MOB4: variants seen among roughly 807,000 people sequenced by gnomAD.
MOB4 encodes the protein MOB family member 4, phocein.
In MOB4, 4 loss-of-function variants were observed where a neutral mutation model predicts 32.2. That is an observed-to-expected ratio of 0.12 (90% CI 0.06 to 0.28). MOB4 has a LOEUF of 0.28. Ranked by LOEUF, MOB4 falls within the 10% of genes least tolerant of loss-of-function variation. The pLI is 1.00. For missense variants in MOB4, 158 were observed against 271.2 expected, an observed-to-expected ratio of 0.58 and a Z score of 2.93; for synonymous variants, 88 against 88.1, an observed-to-expected ratio of 1.00 and a Z score of 0.01.
At chr2:197,516,562 C>T (rs2086416273) in intron 1 of MOB4, 2 of 496,878 alleles carry the variant, frequency 4.0e-6, no homozygotes, top group East Asian at 6.6e-5. Flanking sequence ...TAAACACAGC[C>T]TACCTCGACC....
chr2:197,516,452 C>A, intron 1 of MOB4: 1 of 1,183,012 alleles, frequency 8.5e-7, no homozygotes, highest in Non-Finnish European at 1.1e-6. Flanking sequence ...TCTCGCCTTG[C>A]CCCTGAGCCC....
At chr2:197,544,938 A>G (rs1048620042) in intron 5 of MOB4, among the ~76,000 whole-genome samples, 1 of 152,204 alleles carries the variant, frequency 6.6e-6, no homozygotes, top group Non-Finnish European at 1.5e-5. Context: ...GAACCCCTAA[A>G]CATTGATGAT....
At chr2:197,549,226 CA>C (rs995559922) in intron 6 of MOB4, among the ~76,000 whole-genome samples, 49 of 146,722 alleles carry the variant, frequency 3.3e-4, no homozygotes, top group Non-Finnish European at 4.4e-4. Flanking sequence ...GAAACTGTCT[CA>C]AAAAAAAAAG....
intron 5 of MOB4, among the ~76,000 whole-genome samples, chr2:197,543,780 C>G (rs371175973): frequency 9.2e-5 from 14 of 152,180 alleles, no homozygotes; most frequent in African/African-American, 3.4e-4. Flanking sequence ...GCTCTTTTGC[C>G]CAGGCTGGAG....
rs530766219 is a variant in MOB4, at chr2:197,545,495, A to G, written c.355-2841A>G. The stretch of plus-strand genomic sequence containing the variant: ...GCAAAGTGCTGACTGTATGTGTACA[A>G]TGGAATAATATTCAGCCATGAAAAG... On this transcript the variant is annotated intron_variant, in intron 5 of 7. Transcript: ENST00000323303. Among the ~76,000 whole-genome samples, 3 of 152,334 alleles carry G rather than the reference A, an allele frequency of 2.0e-5. No individual in the cohort carries two copies. In the South Asian group the frequency reaches 6.2e-4, roughly 32 times the overall value.
At position 197,535,512 on chromosome 2, in the gene MOB4, G is replaced by A. The variant is rs745617843; in HGVS notation, c.124-18G>A. The A allele has an allele frequency of 1.3e-6, 2 of 1,575,812 alleles. No individual in the cohort carries two copies. The highest frequency in any genetic ancestry group is 2.4e-5 in the South Asian group (2 of 84,768). Reference sequence around the variant, plus strand: ...GGTGATATAATTTAATTAACCATAAGAACTTCTTTGTTTTTAGTATATTCA... The same window carrying A: ...GGTGATATAATTTAATTAACCATAAAAACTTCTTTGTTTTTAGTATATTCA... On this transcript the variant is annotated intron_variant, in intron 2 of 7. Transcript: ENST00000323303.
chr2:197,516,371 G>C, intron 1 of MOB4: 3 of 1,416,572 alleles, frequency 2.1e-6, no homozygotes, highest in Non-Finnish European at 2.8e-6. Flanking sequence ...CGTGAGGGGC[G>C]GGTGGGGTCT....
chr2:197,532,651 A>G (rs1574638179), intron 2 of MOB4, among the ~76,000 whole-genome samples: 1 of 152,078 alleles, frequency 6.6e-6, no homozygotes, highest in African/African-American at 2.4e-5. Context: ...GCGCCACTGC[A>G]CTCTAGCCTG....
chr2:197,529,809 G>A (rs756471713), intron 2 of MOB4, among the ~76,000 whole-genome samples: 75 of 151,288 alleles, frequency 5.0e-4, no homozygotes, highest in Non-Finnish European at 9.4e-4. Context: ...GCACACCACC[G>A]TGCCCAGCTA....
At chr2:197,515,838 G>T, upstream of MOB4, 2 of 533,844 alleles carry the variant, frequency 3.7e-6, no homozygotes, top group Admixed American at 3.7e-5. Flanking sequence ...TCGCAAAGAG[G>T]CTCGTGGCGC....
At chr2:197,524,974 G>A (rs2106109224) in intron 2 of MOB4, among the ~76,000 whole-genome samples, 1 of 152,246 alleles carries the variant, frequency 6.6e-6, no homozygotes, top group South Asian at 2.1e-4. Context: ...TGTTGCCCTG[G>A]CTGATGATAA....
In MOB4 at chr2:197,552,441, A is replaced by G. The variant is rs1273212218; in HGVS notation, c.*1795A>G. 2 of 152,298 alleles carry G rather than the reference A, an allele frequency of 1.3e-5. No homozygotes were observed. Among genetic ancestry groups the G allele is most frequent in the Non-Finnish European group, 2.9e-5 (2 of 68,024 alleles). The allele number at this position is 152,298 out of a possible 1,614,324, so 9.4% of individuals were successfully genotyped here. On this transcript the variant is annotated 3_prime_UTR_variant, in exon 8 of 8. Coordinates refer to ENST00000323303, the MANE Select transcript of MOB4 (RefSeq NM_015387.5). ...TGTTGCTTGACTATTTTCTTAGTGAATATTTATACTAAGGTAGTGACTGAG... is the reference window on the plus strand; with the variant it reads ...TGTTGCTTGACTATTTTCTTAGTGAGTATTTATACTAAGGTAGTGACTGAG...
At position 197,550,845 on chromosome 2, in the gene MOB4, G is replaced by A. The variant is rs1559326976; in HGVS notation, c.*199G>A. ...TATATTCACCAGTGTGGCACTCATG[G>A]TTTTTAAATAAGATTAGTATTATCT... On this transcript the variant is annotated 3_prime_UTR_variant, in exon 8 of 8. Coordinates refer to ENST00000323303, the MANE Select transcript of MOB4 (RefSeq NM_015387.5). The A allele has an allele frequency of 4.6e-6, 2 of 435,460 alleles. No individual in the cohort carries two copies. Among genetic ancestry groups the A allele is most frequent in the South Asian group, 9.3e-5 (1 of 10,702 alleles). The allele number at this position is 435,460 out of a possible 1,614,324, so 27.0% of individuals were successfully genotyped here.
intron 2 of MOB4, chr2:197,533,758 C>T (rs897829691): frequency 9.2e-6 from 4 of 433,092 alleles, no homozygotes; most frequent in African/African-American, 2.1e-5. Flanking sequence ...TATTTGATCC[C>T]TTTCCCTGTC....
intron 2 of MOB4, among the ~76,000 whole-genome samples, chr2:197,529,474 C>T (rs1230344777): frequency 6.6e-6 from 1 of 151,996 alleles, no homozygotes; most frequent in Non-Finnish European, 1.5e-5. Flanking sequence ...GCCTCAGCCT[C>T]CCCAGTAGCT....
Position 197,552,784 on chromosome 2 carries a change from A to T in MOB4, c.*2138A>T, listed in dbSNP as rs2087118643. 1 of 152,432 alleles carries T rather than the reference A, an allele frequency of 6.6e-6. No individual in the cohort carries two copies. Among genetic ancestry groups the T allele is most frequent in the Admixed American group, 6.5e-5 (1 of 15,302 alleles). 9.4% of individuals were successfully genotyped at this position (152,432 alleles called of 1,614,324 possible). A position where few individuals can be genotyped will look rare whatever the true frequency, so the allele number is the denominator to read the frequency against. ...CTTATATATACATAAATACTACTAA[A>T]AAATTAATGAGCCTGGCAAACCATT... On this transcript the variant is annotated 3_prime_UTR_variant, in exon 8 of 8. Coordinates refer to ENST00000323303, the MANE Select transcript of MOB4 (RefSeq NM_015387.5).
At chr2:197,535,651 A>G (rs1183837079) in intron 3 of MOB4, 21 bp downstream of exon 3, 2 of 1,588,802 alleles carry the variant, frequency 1.3e-6, no homozygotes, top group African/African-American at 2.7e-5. Flanking sequence ...ACATCAAAAT[A>G]CTAATAGTAC....
In MOB4 at chr2:197,550,843, T is replaced by C. The variant is rs748476204; in HGVS notation, c.*197T>C. The C allele has an allele frequency of 4.8e-5, 22 of 454,516 alleles. No homozygotes were observed. Among genetic ancestry groups the C allele is most frequent in the Non-Finnish European group, 7.1e-5 (21 of 296,162 alleles). The allele number at this position is 454,516 out of a possible 1,614,324, so 28.2% of individuals were successfully genotyped here. On this transcript the variant is annotated 3_prime_UTR_variant, in exon 8 of 8. Transcript: ENST00000323303. Reference sequence around the variant, plus strand: ...TGTATATTCACCAGTGTGGCACTCATGGTTTTTAAATAAGATTAGTATTAT... The same window carrying C: ...TGTATATTCACCAGTGTGGCACTCACGGTTTTTAAATAAGATTAGTATTAT...
chr2:197,544,313 C>T (rs950611616), intron 5 of MOB4, among the ~76,000 whole-genome samples: 1 of 152,158 alleles, frequency 6.6e-6, no homozygotes, highest in Non-Finnish European at 1.5e-5. Flanking sequence ...CTCAAGTGAT[C>T]CACCTGCCTT....
Sources: gnomAD v4.1 joint callset for allele counts (sites outside exome capture counted in the v4.1 genomes callset) on GRCh38, gnomAD v4.1.1 for gene constraint, MANE v1.5 for transcripts, NCBI Gene and HGNC (gene_info 2026-07-23, HGNC 2026-07-21) for gene names.